The following GNPTAB variants were observed in gnomAD, a reference collection of about 807,000 sequenced individuals.
GNPTAB encodes the protein N-acetylglucosamine-1-phosphotransferase subunits alpha/beta.
GNPTAB carries 92 observed loss-of-function variants against 136.6 expected under a neutral mutation model. That is an observed-to-expected ratio of 0.67 (90% CI 0.57 to 0.80). GNPTAB has a LOEUF of 0.80. GNPTAB is among the 30% of genes least tolerant of loss of function. GNPTAB has a pLI of 0.00. For missense variants in GNPTAB, 1,343 were observed against 1,501.8 expected (o/e 0.89, Z 1.75); for synonymous variants, 512 against 535.1 (o/e 0.96, Z 0.60).
At chr12:101,765,989 A>G in intron 12 of GNPTAB, 102 bp downstream of exon 12, 1 of 976,366 alleles carries the variant, frequency 1.0e-6, no homozygotes, top group Non-Finnish European at 1.6e-6. Context: ...AAAGGGATAC[A>G]CAGAGAATCA....
intron 1 of GNPTAB, among the ~76,000 whole-genome samples, chr12:101,822,625 C>G (rs1041877869): frequency 6.6e-6 from 1 of 152,206 alleles, no homozygotes; most frequent in Admixed American, 6.5e-5. Context: ...GCCACCCTCC[C>G]TTCCTCCACT....
At chr12:101,752,517 T>G (rs1952836384) in intron 19 of GNPTAB, among the ~76,000 whole-genome samples, 2 of 152,256 alleles carry the variant, frequency 1.3e-5, no homozygotes, top group Admixed American at 1.3e-4. Context: ...ATAGTCTGGT[T>G]GTTGAAGTAC....
chr12:101,802,199 T>TAAAAA (rs112485347), intron 1 of GNPTAB, among the ~76,000 whole-genome samples: 7 of 108,078 alleles, frequency 6.5e-5, no homozygotes, highest in African/African-American at 7.0e-5. Context: ...CCCTGTCTCT[T>TAAAAA]AAAAAAAAAA....
chr12:101,828,882 T>G (rs1313269660), intron 1 of GNPTAB, among the ~76,000 whole-genome samples: 2 of 152,238 alleles, frequency 1.3e-5, no homozygotes, highest in Non-Finnish European at 2.9e-5. Context: ...GTAAAGCAAT[T>G]AAGAGAGTGC....
chr12:101,787,568 G>A (rs1481425254), intron 4 of GNPTAB, among the ~76,000 whole-genome samples: 1 of 151,980 alleles, frequency 6.6e-6, no homozygotes, highest in Non-Finnish European at 1.5e-5. Context: ...CAGTATTAAT[G>A]TTAATATAAT....
chr12:101,806,808 C>T lies in GNPTAB; in HGVS notation c.118-10046G>A, dbSNP rs77652713. On this transcript the variant is annotated intron_variant, in intron 1 of 20. Transcript: ENST00000299314. Reference sequence around the variant, plus strand: ...TAATAACCTTCCAAAATAGAAAGCCCCAGACCCAGATGGCTTCACTGGTGA... The same window carrying T: ...TAATAACCTTCCAAAATAGAAAGCCTCAGACCCAGATGGCTTCACTGGTGA... Among the ~76,000 whole-genome samples, 231 of 151,976 alleles carry T rather than the reference C, an allele frequency of 1.5e-3. 1 individual carries two copies. Among genetic ancestry groups the T allele is most frequent in the African/African-American group, 5.2e-3 (214 of 41,466 alleles).
intron 1 of GNPTAB, among the ~76,000 whole-genome samples, chr12:101,814,166 G>C (rs1275583841): frequency 2.6e-5 from 4 of 151,996 alleles, no homozygotes; most frequent in African/African-American, 7.3e-5. Flanking sequence ...AGGTATGGTG[G>C]CATGAGCCTG....
chr12:101,785,711 T>C (rs1051434395), intron 5 of GNPTAB: 8 of 344,912 alleles, frequency 2.3e-5, no homozygotes, highest in Admixed American at 4.5e-5. Flanking sequence ...AGGAGTTATA[T>C]AGTAGAAAAA....
chr12:101,755,617 A>C (rs1327555595), intron 18 of GNPTAB, among the ~76,000 whole-genome samples: 1 of 152,222 alleles, frequency 6.6e-6, no homozygotes, highest in Non-Finnish European at 1.5e-5. Context: ...TTCAGAGAAA[A>C]ACAAAGCCTG....
intron 18 of GNPTAB, among the ~76,000 whole-genome samples, chr12:101,755,350 C>T (rs185527373): frequency 6.4e-4 from 98 of 152,276 alleles, no homozygotes; most frequent in Non-Finnish European, 1.0e-3. Flanking sequence ...AAAGCTCATT[C>T]ATCTTTCTCT....
chr12:101,784,577 G>C (rs1353877119), intron 5 of GNPTAB, among the ~76,000 whole-genome samples: 1 of 152,076 alleles, frequency 6.6e-6, no homozygotes, highest in Non-Finnish European at 1.5e-5. Context: ...GACTGAGATG[G>C]ACTTTACATA....
intron 7 of GNPTAB, among the ~76,000 whole-genome samples, chr12:101,775,866 C>T (rs1195787207): frequency 6.6e-6 from 1 of 152,116 alleles, no homozygotes; most frequent in African/African-American, 2.4e-5. Flanking sequence ...TGACCTTAGG[C>T]CCTGACCAGA....
chr12:101,802,213 AAAAAG>A (rs1427488847), intron 1 of GNPTAB, among the ~76,000 whole-genome samples: 54 of 144,980 alleles, frequency 3.7e-4, no homozygotes, highest in African/African-American at 1.3e-3. Flanking sequence ...AAAAAAAAAA[AAAAAG>A]AAAAGAAAAG....
intron 19 of GNPTAB, among the ~76,000 whole-genome samples, chr12:101,750,841 T>A (rs1402446888): frequency 1.3e-5 from 2 of 152,220 alleles, no homozygotes; most frequent in African/African-American, 4.8e-5. Context: ...TGCCAGGGTC[T>A]GCCAATTTCC....
intron 10 of GNPTAB, 76 bp downstream of exon 10, chr12:101,769,945 A>T: frequency 7.5e-7 from 1 of 1,335,450 alleles, no homozygotes; most frequent in Non-Finnish European, 1.1e-6. Context: ...ATTTGACTAC[A>T]GTAGTATGTG....
chr12:101,801,415 C>T (rs1869615491), intron 1 of GNPTAB, among the ~76,000 whole-genome samples: 2 of 150,712 alleles, frequency 1.3e-5, no homozygotes, highest in African/African-American at 4.9e-5. Context: ...TGGGATGTGC[C>T]TGTAGTCTCA....
intron 1 of GNPTAB, among the ~76,000 whole-genome samples, chr12:101,801,567 A>AAAAAAAAC (rs1869636413): frequency 1.4e-5 from 2 of 145,146 alleles, no homozygotes; most frequent in African/African-American, 5.0e-5. Flanking sequence ...AAAAAAAAAA[A>AAAAAAAAC]CTGGAAAAAA....
chr12:101,803,780 T>C (rs1869778876), intron 1 of GNPTAB, among the ~76,000 whole-genome samples: 2 of 152,138 alleles, frequency 1.3e-5, no homozygotes, highest in Non-Finnish European at 2.9e-5. Flanking sequence ...TGAGTACAGA[T>C]TAAAATATAA....
chr12:101,821,346 G>A (rs1200572069), intron 1 of GNPTAB, among the ~76,000 whole-genome samples: 2 of 152,198 alleles, frequency 1.3e-5, no homozygotes, highest in East Asian at 3.8e-4. Flanking sequence ...AGGGCACAGG[G>A]ATTTGAAGAT....
Sources: gnomAD v4.1 joint callset for allele counts (sites outside exome capture counted in the v4.1 genomes callset) on GRCh38, gnomAD v4.1.1 for gene constraint, MANE v1.5 for transcripts, NCBI Gene and HGNC (gene_info 2026-07-23, HGNC 2026-07-21) for gene names.